PTPRN2: variants seen among roughly 807,000 people sequenced by gnomAD.
The protein encoded by PTPRN2 is protein tyrosine phosphatase receptor type N2.
In PTPRN2, 74 loss-of-function variants were observed where a neutral mutation model predicts 118.8. That is an observed-to-expected ratio of 0.62 (90% CI 0.52 to 0.76). The LOEUF (loss-of-function observed/expected upper bound fraction) is 0.76. Among genes scored for constraint, PTPRN2 ranks in the 30% least tolerant of loss-of-function variants. The pLI, the probability that PTPRN2 is intolerant of heterozygous loss-of-function variation, is 0.00. For missense variants in PTPRN2, 1,481 were observed against 1,394.4 expected, an observed-to-expected ratio of 1.06 and a Z score of -0.99; for synonymous variants, 641 against 608.0, an observed-to-expected ratio of 1.05 and a Z score of -0.80.
intron 11 of PTPRN2, among the ~76,000 whole-genome samples, chr7:157,950,988 AAT>A (rs1332406808): frequency 6.6e-6 from 1 of 152,300 alleles, no homozygotes; most frequent in Non-Finnish European, 1.5e-5. Context: ...CTTCACTAGC[AAT>A]ATTCCCAGCT....
At chr7:157,574,666 G>A (rs530100683) in intron 19 of PTPRN2, among the ~76,000 whole-genome samples, 1 of 152,354 alleles carries the variant, frequency 6.6e-6, no homozygotes, top group Admixed American at 6.5e-5. Context: ...AACGCGCCAG[G>A]CCAGAGTGAG....
chr7:158,291,983 T>C (rs916738315), intron 3 of PTPRN2, among the ~76,000 whole-genome samples: 13 of 152,216 alleles, frequency 8.5e-5, no homozygotes, highest in African/African-American at 2.9e-4. Context: ...AGGCCAGTAA[T>C]ACACAAGCCT....
At chr7:157,846,994 G>C (rs1162703530) in intron 12 of PTPRN2, among the ~76,000 whole-genome samples, 1 of 151,186 alleles carries the variant, frequency 6.6e-6, no homozygotes, top group Non-Finnish European at 1.5e-5. Context: ...CTTCATGTGT[G>C]GCCAATGTTT....
intron 9 of PTPRN2, among the ~76,000 whole-genome samples, chr7:158,120,047 C>T (rs905938001): frequency 5.9e-5 from 9 of 152,116 alleles, no homozygotes; most frequent in Admixed American, 3.3e-4. Flanking sequence ...CAGACACATG[C>T]GACAACAGGG....
intron 11 of PTPRN2, among the ~76,000 whole-genome samples, chr7:158,026,075 G>A (rs967107604): frequency 8.5e-5 from 13 of 152,380 alleles, no homozygotes; most frequent in African/African-American, 2.9e-4. Context: ...CCCATGCCGG[G>A]CCCCGTCGAG....
chr7:157,951,541 A>AC (rs1011859404), intron 11 of PTPRN2, among the ~76,000 whole-genome samples: 18 of 151,654 alleles, frequency 1.2e-4, no homozygotes, highest in African/African-American at 3.6e-4. Context: ...GGTCTCTGGG[A>AC]CCCCCCTTCC....
intron 11 of PTPRN2, among the ~76,000 whole-genome samples, chr7:158,013,172 A>C (rs1252992725): frequency 6.6e-6 from 1 of 152,214 alleles, no homozygotes; most frequent in Admixed American, 6.5e-5. Flanking sequence ...GGCTTCCATA[A>C]GCTGAAGAGC....
intron 2 of PTPRN2, among the ~76,000 whole-genome samples, chr7:158,344,894 T>A (rs1267236676): frequency 6.6e-6 from 1 of 152,186 alleles, no homozygotes; most frequent in Non-Finnish European, 1.5e-5. Context: ...GGTTTGCACA[T>A]GTCCTGTCAG....
chr7:158,407,656 A>ATCCTGCG (rs1446100267), intron 2 of PTPRN2, among the ~76,000 whole-genome samples: 1 of 30,188 alleles, frequency 3.3e-5, no homozygotes, highest in Non-Finnish European at 6.7e-5. Flanking sequence ...TGGGTCCTGC[A>ATCCTGCG]TCCTGCGTCC....
intron 11 of PTPRN2, among the ~76,000 whole-genome samples, chr7:158,076,208 G>A (rs1019359508): frequency 3.9e-5 from 6 of 152,240 alleles, no homozygotes; most frequent in African/African-American, 1.4e-4. Context: ...TGGCTCAGGA[G>A]TTCCTCTTGT....
chr7:157,805,038 T>C (rs1805542058), intron 12 of PTPRN2, among the ~76,000 whole-genome samples: 1 of 152,138 alleles, frequency 6.6e-6, no homozygotes, highest in Non-Finnish European at 1.5e-5. Context: ...CTCTGCACAC[T>C]AGACTCAGTC....
At chr7:157,714,560 C>T (rs1798807338) in intron 12 of PTPRN2, among the ~76,000 whole-genome samples, 2 of 152,172 alleles carry the variant, frequency 1.3e-5, no homozygotes, top group African/African-American at 4.8e-5. Context: ...GAGTAAAATG[C>T]TCACCCTAAT....
chr7:158,324,554 A>C (rs10949715), intron 2 of PTPRN2, among the ~76,000 whole-genome samples: 80,741 of 151,358 alleles, frequency 0.53, 21,859 homozygotes, highest in South Asian at 0.58. Flanking sequence ...GCAAGTTCTC[A>C]GGTGGCCATG....
intron 2 of PTPRN2, among the ~76,000 whole-genome samples, chr7:158,457,758 C>T (rs917855816): frequency 3.4e-5 from 5 of 146,096 alleles, no homozygotes; most frequent in Non-Finnish European, 1.5e-5. Context: ...CCTCGGCCTG[C>T]GGGAACACAG....
At chr7:157,742,919 T>C (rs1657849756) in intron 12 of PTPRN2, among the ~76,000 whole-genome samples, 1 of 152,246 alleles carries the variant, frequency 6.6e-6, no homozygotes, top group Admixed American at 6.5e-5. Context: ...ACCATCCCAC[T>C]ACTCAGTTTA....
chr7:157,723,280 G>T (rs55770502), intron 12 of PTPRN2, among the ~76,000 whole-genome samples: 2 of 152,018 alleles, frequency 1.3e-5, no homozygotes, highest in African/African-American at 4.8e-5. Context: ...GAATGTCCAC[G>T]GGGACAGCTC....
intron 3 of PTPRN2, among the ~76,000 whole-genome samples, chr7:158,222,676 A>G (rs1828459228): frequency 6.6e-6 from 1 of 152,170 alleles, no homozygotes; most frequent in African/African-American, 2.4e-5. Flanking sequence ...ACAACACACA[A>G]TTCACCCATG....
chr7:158,292,644 A>G (rs1185002835), intron 3 of PTPRN2, among the ~76,000 whole-genome samples: 1 of 152,256 alleles, frequency 6.6e-6, no homozygotes, highest in Non-Finnish European at 1.5e-5. Context: ...TGGATGGTAA[A>G]GCCCATTGTG....
intron 1 of PTPRN2, among the ~76,000 whole-genome samples, chr7:158,566,703 T>G (rs570547320): frequency 6.6e-6 from 1 of 151,546 alleles, no homozygotes; most frequent in African/African-American, 2.4e-5. Context: ...TAAAGTGGGG[T>G]TTTTTTTGTT....
Sources: allele counts gnomAD v4.1 joint callset (sites outside exome capture counted in the v4.1 genomes callset), GRCh38; gene constraint gnomAD v4.1.1; transcripts MANE v1.5; gene names NCBI Gene and HGNC (gene_info 2026-07-23, HGNC 2026-07-21).